The following EBF1 variants were observed in gnomAD, a reference collection of about 807,000 sequenced individuals.
EBF1 encodes the protein EBF transcription factor 1, also known as transcription factor COE1.
In EBF1, 10 loss-of-function variants were observed where a neutral mutation model predicts 68.4. The ratio of observed to expected loss-of-function variants is 0.15; its 90% CI spans 0.09 to 0.25. The LOEUF (loss-of-function observed/expected upper bound fraction) is 0.25. Among genes scored for constraint, EBF1 ranks in the 10% least tolerant of loss-of-function variants. The pLI is 1.00. For missense variants in EBF1, 509 were observed against 794.4 expected, an observed-to-expected ratio of 0.64 and a Z score of 4.32; for synonymous variants, 298 against 299.8, an observed-to-expected ratio of 0.99 and a Z score of 0.06.
At chr5:158,860,465 T>C (rs1252758603) in intron 6 of EBF1, among the ~76,000 whole-genome samples, 1 of 152,216 alleles carries the variant, frequency 6.6e-6, no homozygotes, top group Non-Finnish European at 1.5e-5. Flanking sequence ...AATGCAGATC[T>C]GGGGTATAAG....
chr5:158,909,436 G>A (rs914436727), intron 6 of EBF1, among the ~76,000 whole-genome samples: 4 of 152,186 alleles, frequency 2.6e-5, no homozygotes, highest in Non-Finnish European at 5.9e-5. Flanking sequence ...AAGAACCCTG[G>A]TCGCATATTA....
At chr5:159,079,859 C>T (rs6864082) in intron 5 of EBF1, among the ~76,000 whole-genome samples, 1 of 152,064 alleles carries the variant, frequency 6.6e-6, no homozygotes. Flanking sequence ...AAGTGATCTG[C>T]CCACCTCGGC....
chr5:158,891,212 C>A (rs544161944), intron 6 of EBF1, among the ~76,000 whole-genome samples: 1 of 152,190 alleles, frequency 6.6e-6, no homozygotes, highest in Admixed American at 6.5e-5. Flanking sequence ...CTATGTCTCT[C>A]TCTTGCCACT....
chr5:158,946,177 A>T (rs999085807), intron 6 of EBF1, among the ~76,000 whole-genome samples: 1 of 152,112 alleles, frequency 6.6e-6, no homozygotes, highest in Non-Finnish European at 1.5e-5. Context: ...TCTGAAGCCT[A>T]CTTCTGTCAA....
intron 6 of EBF1, among the ~76,000 whole-genome samples, chr5:158,847,674 G>A (rs534950556): frequency 7.2e-5 from 11 of 152,320 alleles, no homozygotes; most frequent in East Asian, 5.8e-4. Context: ...GGCCCTGGGC[G>A]AATATTTGAA....
At chr5:158,707,673 A>G (rs1014726676) in intron 15 of EBF1, 11 of 364,202 alleles carry the variant, frequency 3.0e-5, no homozygotes, top group Non-Finnish European at 3.5e-5. Context: ...AAGAGGAGAA[A>G]AGAGAAATGA....
chr5:159,012,220 G>A (rs887120997), intron 6 of EBF1, among the ~76,000 whole-genome samples: 1 of 151,952 alleles, frequency 6.6e-6, no homozygotes, highest in African/African-American at 2.4e-5. Flanking sequence ...CCAGGAGGCG[G>A]AGATTGCAGT....
chr5:159,079,532 C>T (rs1450733282), intron 5 of EBF1, among the ~76,000 whole-genome samples: 1 of 151,970 alleles, frequency 6.6e-6, no homozygotes, highest in Non-Finnish European at 1.5e-5. Context: ...CTTTCTCAGC[C>T]TTCATGTCCA....
In EBF1 at chr5:158,986,163, C is replaced by CAGCATG. The variant is rs1561712302; in HGVS notation, c.554+87227_554+87232dup. Among the ~76,000 whole-genome samples the CAGCATG allele has an allele frequency of 5.3e-5, 8 of 152,352 alleles. No individual in the cohort carries two copies. In the South Asian group the frequency reaches 1.7e-3, roughly 32 times the overall value. On this transcript the variant is annotated intron_variant, in intron 6 of 15. Coordinates refer to ENST00000313708, the MANE Select transcript of EBF1 (RefSeq NM_024007.5). ...TCTCCTTCCCAGCTTAATTAAGAAA[C>CAGCATG]AGCATGATTTCTGTCCTTCTCTCTC...
chr5:158,921,036 T>G (rs1001058733), intron 6 of EBF1, among the ~76,000 whole-genome samples: 6 of 152,358 alleles, frequency 3.9e-5, no homozygotes, highest in Non-Finnish European at 7.3e-5. Context: ...CAGGATCATT[T>G]GCAGTGCTTA....
chr5:158,775,710 G>A (rs1275519504), intron 10 of EBF1, among the ~76,000 whole-genome samples: 2 of 148,878 alleles, frequency 1.3e-5, no homozygotes, highest in African/African-American at 5.0e-5. Context: ...GTTTCAATTG[G>A]TCCTTTTCCT....
rs186446763 is a variant in EBF1, at chr5:158,971,687, C to A, written c.554+101709G>T. 5.5e-4 allele frequency among the ~76,000 whole-genome samples: 83 copies of A among 152,234 alleles called. 1 individual carries two copies. The highest frequency in any genetic ancestry group is 2.4e-3 in the Admixed American group (36 of 15,296). On this transcript the variant is annotated intron_variant, in intron 6 of 15. Transcript: ENST00000313708. ...AAGACCACAGGAAAAACATCACAAGCAGTCCCAAAGCATGAAGAGGTCTAA... is the reference window on the plus strand; with the variant it reads ...AAGACCACAGGAAAAACATCACAAGAAGTCCCAAAGCATGAAGAGGTCTAA...
At chr5:158,880,860 G>A (rs915368036) in intron 6 of EBF1, among the ~76,000 whole-genome samples, 23 of 152,204 alleles carry the variant, frequency 1.5e-4, no homozygotes, top group African/African-American at 5.6e-4. Context: ...CACAAGCACG[G>A]ACATCCCCTG....
intron 6 of EBF1, among the ~76,000 whole-genome samples, chr5:159,002,441 G>A (rs1310298492): frequency 1.3e-5 from 2 of 152,154 alleles, no homozygotes; most frequent in Non-Finnish European, 2.9e-5. Context: ...TGTCAACACA[G>A]TGATTGATGG....
rs549435668 is a variant in EBF1 at position 158,913,795 on chromosome 5, G to A, written c.555-73685C>T. 2.5e-4 allele frequency among the ~76,000 whole-genome samples: 38 copies of A among 152,282 alleles called. No homozygotes were observed. The East Asian group carries it at 2.9e-3, about 12-fold the overall frequency. On this transcript the variant is annotated intron_variant, in intron 6 of 15. Transcript: ENST00000313708. ...CAATAACATATGGCCATGAGAGCGC[G>A]AGTATTATACCAACAGACTGAAATA...
intron 10 of EBF1, among the ~76,000 whole-genome samples, chr5:158,752,032 C>T (rs1769014417): frequency 1.3e-5 from 2 of 151,878 alleles, no homozygotes; most frequent in Admixed American, 6.6e-5. Context: ...ATGTGCAGTA[C>T]TATTTGTAGT....
chr5:158,724,628 C>T (rs1224431138), intron 11 of EBF1, among the ~76,000 whole-genome samples: 1 of 152,104 alleles, frequency 6.6e-6, no homozygotes, highest in East Asian at 1.9e-4. Flanking sequence ...AACATGAATG[C>T]TCTTTAGGGA....
intron 6 of EBF1, among the ~76,000 whole-genome samples, chr5:158,855,831 C>G (rs1265559045): frequency 6.6e-6 from 1 of 152,180 alleles, no homozygotes; most frequent in East Asian, 1.9e-4. Flanking sequence ...GAAAACAAAT[C>G]CTGCCCCAGC....
chr5:158,768,049 A>G (rs1773120582), intron 10 of EBF1, among the ~76,000 whole-genome samples: 1 of 152,124 alleles, frequency 6.6e-6, no homozygotes, highest in Non-Finnish European at 1.5e-5. Context: ...GCCACACTAT[A>G]TAGCTAAATG....
Sources: gnomAD v4.1 joint callset for allele counts (sites outside exome capture counted in the v4.1 genomes callset) on GRCh38, gnomAD v4.1.1 for gene constraint, MANE v1.5 for transcripts, NCBI Gene and HGNC (gene_info 2026-07-23, HGNC 2026-07-21) for gene names.